ADSS1: variants seen among roughly 807,000 people sequenced by gnomAD.
The protein encoded by ADSS1 is adenylosuccinate synthetase isozyme 1.
Under a neutral mutation model 59.1 loss-of-function variants are expected in ADSS1, and 57 were observed. The observed-to-expected ratio is 0.97, with a 90% CI of 0.78 to 1.20. The LOEUF is 1.20. Among genes scored for constraint, ADSS1 ranks in the 50% most tolerant of loss-of-function variants. ADSS1 has a pLI of 0.00. For synonymous variants in ADSS1, 247 were observed against 249.4 expected (o/e 0.99, Z 0.09); for missense variants, 603 against 610.3 (o/e 0.99, Z 0.13).
intron 9 of ADSS1, 74 bp from the exon 10 acceptor site, chr14:104,742,993 A>G: frequency 6.3e-7 from 1 of 1,593,568 alleles, no homozygotes; most frequent in African/African-American, 1.3e-5. Flanking sequence ...TGCAGGGAGG[A>G]GGGGGAGCAG....
intron 1 of ADSS1, among the ~76,000 whole-genome samples, chr14:104,724,687 C>T (rs1890669826): frequency 6.6e-6 from 1 of 152,118 alleles, no homozygotes; most frequent in Non-Finnish European, 1.5e-5. Context: ...CCCTACTCCA[C>T]CACCCCGGCA....
At chr14:104,724,730 C>T (rs1164836010) in intron 1 of ADSS1, among the ~76,000 whole-genome samples, 1 of 152,114 alleles carries the variant, frequency 6.6e-6, no homozygotes, top group Non-Finnish European at 1.5e-5. Context: ...ATACAAGTCG[C>T]TGAGTTGGGG....
chr14:104,736,103 G>C (rs1891112187), intron 2 of ADSS1, among the ~76,000 whole-genome samples: 1 of 152,234 alleles, frequency 6.6e-6, no homozygotes, highest in African/African-American at 2.4e-5. Flanking sequence ...GCCATGTGTG[G>C]TCAGGGGCTG....
In ADSS1 at chr14:104,740,499, G is replaced by A. The variant is rs1166192910; in HGVS notation, c.477-102G>A. 3 of 973,280 alleles carry A rather than the reference G, an allele frequency of 3.1e-6. No homozygotes were observed. The highest frequency in any genetic ancestry group is 4.7e-6 in the Non-Finnish European group (3 of 633,920). The allele number at this position is 973,280 out of a possible 1,614,324, so 60.3% of individuals were successfully genotyped here. On this transcript the variant is annotated intron_variant, in intron 5 of 12. Coordinates refer to ENST00000330877, the MANE Select transcript of ADSS1 (RefSeq NM_152328.5). This position sits in a 1 kb window ranked among gnomAD's most constrained non-coding sequence, Gnocchi z 4.8. The stretch of plus-strand genomic sequence containing the variant: ...TCAGCCAGACACAGGCAGCAATGGT[G>A]GGCACTGGAGTCATGAGCCGGCGGG...
At chr14:104,739,591 C>A in intron 4 of ADSS1, 159 bp from the exon 5 acceptor site, 1 of 925,298 alleles carries the variant, frequency 1.1e-6, no homozygotes, top group Non-Finnish European at 1.6e-6. Flanking sequence ...GGAGACTGAG[C>A]CCCAGACACT....
At position 104,744,874 on chromosome 14, in the gene ADSS1, A is replaced by G. The variant is rs749365053; in HGVS notation, c.1136A>G (p.Tyr379Cys). ...GGTGAGGTTAAAGTCGGTGTCTCAT[A>G]CAAGCTGAACGGGAAAAGGATTCCC... ...VLGEVKVGVS[Y>C]KLNGKRIPYF... Residue 379 changes from tyrosine to cysteine, a missense_variant, in exon 11 of 13, where the codon TAC becomes TGC. Physicochemically the swap from Tyr to Cys is radical, Grantham distance 194. Transcript: ENST00000330877. The G allele has an allele frequency of 2.5e-6, 4 of 1,614,176 alleles. No homozygotes were observed. The highest frequency in any genetic ancestry group is 1.7e-5 in the Admixed American group (1 of 60,022).
At position 104,740,801 on chromosome 14, in the gene ADSS1, A is replaced by G. The variant is rs1006502641; in HGVS notation, c.585-38A>G. On this transcript the variant is annotated intron_variant, in intron 6 of 12. Transcript: ENST00000330877. The surrounding 1 kb of genome is among the most constrained non-coding windows in gnomAD (Gnocchi z 4.8). ...GGGAGGGCCCTGAGGACCAGCATGG[A>G]CCATGACAGGGGGTGATGATGACTG... The G allele has an allele frequency of 6.2e-7, 1 of 1,612,834 alleles. No individual in the cohort carries two copies. Among genetic ancestry groups the G allele is most frequent in the South Asian group, 1.1e-5 (1 of 91,062 alleles).
intron 8 of ADSS1, among the ~76,000 whole-genome samples, chr14:104,741,444 G>A (rs1357691446): frequency 2.0e-5 from 3 of 152,216 alleles, no homozygotes; most frequent in Non-Finnish European, 2.9e-5. Flanking sequence ...AGAAAGGGCT[G>A]GGCTAGAGAT....
In ADSS1 at chr14:104,740,773, G is replaced by C; in HGVS notation, c.584+65G>C. On this transcript the variant is annotated intron_variant, in intron 6 of 12. Transcript: ENST00000330877. This position sits in a 1 kb window ranked among gnomAD's most constrained non-coding sequence, Gnocchi z 4.8. Reference sequence around the variant, plus strand: ...AAGTTGCCGGAAGGGACTGTGGCTAGTGGGGAGGGCCCTGAGGACCAGCAT... The same window carrying C: ...AAGTTGCCGGAAGGGACTGTGGCTACTGGGGAGGGCCCTGAGGACCAGCAT... 1 of 1,612,808 alleles carries C rather than the reference G, an allele frequency of 6.2e-7. No homozygotes were observed. The highest frequency in any genetic ancestry group is 8.5e-7 in the Non-Finnish European group (1 of 1,179,036).
intron 1 of ADSS1, among the ~76,000 whole-genome samples, chr14:104,730,973 G>GT: frequency 2.0e-5 from 2 of 100,390 alleles, no homozygotes. Context: ...GGGGGGGGGG[G>GT]GCTCAGTGTC....
chr14:104,729,473 T>G (rs371888932), intron 1 of ADSS1, among the ~76,000 whole-genome samples: 1 of 146,388 alleles, frequency 6.8e-6, no homozygotes, highest in East Asian at 2.0e-4. Context: ...GTCAGCAGCA[T>G]GGCGTCGGCG....
chr14:104,726,347 T>C (rs35746773), intron 1 of ADSS1, among the ~76,000 whole-genome samples: 66,301 of 151,934 alleles, frequency 0.44, 14,901 homozygotes, highest in East Asian at 0.59. Context: ...CCTGGCCCTT[T>C]GTCCCCACCT....
At chr14:104,742,080 C>T in intron 9 of ADSS1, 78 bp downstream of exon 9, 2 of 1,560,850 alleles carry the variant, frequency 1.3e-6, no homozygotes, top group Non-Finnish European at 1.7e-6. Context: ...GTGAGCAGTG[C>T]CAGGGTGGAG....
intron 11 of ADSS1, 145 bp from the exon 12 acceptor site, chr14:104,746,091 G>T: frequency 1.9e-6 from 2 of 1,027,710 alleles, no homozygotes; most frequent in Non-Finnish European, 1.4e-6. Flanking sequence ...AATCAAACTG[G>T]GCCACGTGCC....
intron 3 of ADSS1, 113 bp downstream of exon 3, chr14:104,738,551 T>C: frequency 3.2e-6 from 4 of 1,236,018 alleles, no homozygotes; most frequent in Non-Finnish European, 4.6e-6. Context: ...AGGGGTGGGT[T>C]CCCAACATAG....
intron 8 of ADSS1, among the ~76,000 whole-genome samples, chr14:104,741,644 C>G (rs1002715622): frequency 6.6e-6 from 1 of 152,224 alleles, no homozygotes; most frequent in Non-Finnish European, 1.5e-5. Flanking sequence ...CTCCTCTCAC[C>G]CCAGACTCTT....
Position 104,738,443 on chromosome 14 carries a change from G to T in ADSS1, c.358+5G>T. The T allele has an allele frequency of 6.2e-7, 1 of 1,613,554 alleles. No homozygotes were observed. The highest frequency in any genetic ancestry group is 8.5e-7 in the Non-Finnish European group (1 of 1,179,762). On this transcript the variant is annotated splice_donor_5th_base_variant and intron_variant, in intron 3 of 12. Transcript: ENST00000330877. The stretch of plus-strand genomic sequence containing the variant: ...CAGAGAAGAATGAAAAGAAAGGTAG[G>T]TCCAAGCTCCTGCAGACTTGCCCTG...
intron 1 of ADSS1, among the ~76,000 whole-genome samples, chr14:104,733,326 G>T (rs762088388): frequency 2.0e-5 from 3 of 152,178 alleles, no homozygotes; most frequent in Non-Finnish European, 4.4e-5. Flanking sequence ...CCTGCCCTGC[G>T]AAGGGGCTTC....
At position 104,740,269 on chromosome 14, in the gene ADSS1, TTACA is replaced by T. The variant is rs200740937; in HGVS notation, c.477-327_477-324del. ...CTCACACAGGCACACACTCATGCTC[TTACA>T]TACACACCACACGCCCACGCATGCT... is the stretch of plus-strand genomic sequence containing the variant. On this transcript the variant is annotated intron_variant, in intron 5 of 12. Transcript: ENST00000330877. This position sits in a 1 kb window ranked among gnomAD's most constrained non-coding sequence, Gnocchi z 4.8. Among the ~76,000 whole-genome samples, 334 of 152,024 alleles carry T rather than the reference TTACA, an allele frequency of 2.2e-3. No individual in the cohort carries two copies. Among genetic ancestry groups the T allele is most frequent in the African/African-American group, 3.8e-3 (159 of 41,444 alleles).
Sources: allele counts gnomAD v4.1 joint callset (sites outside exome capture counted in the v4.1 genomes callset), GRCh38; gene constraint gnomAD v4.1.1; non-coding constraint Gnocchi (gnomAD v3.1); transcripts MANE v1.5; gene names NCBI Gene and HGNC (gene_info 2026-07-23, HGNC 2026-07-21).